The following SHANK2 variants were observed in gnomAD, a reference collection of about 807,000 sequenced individuals.
SHANK2 encodes SH3 and multiple ankyrin repeat domains protein 2.
In SHANK2, 43 loss-of-function variants were observed where a neutral mutation model predicts 133.7. That is an observed-to-expected ratio of 0.32 (90% CI 0.25 to 0.41). The LOEUF (loss-of-function observed/expected upper bound fraction) is 0.41. SHANK2 is among the 10% of genes least tolerant of loss of function. SHANK2 has a pLI of 1.00. For synonymous variants in SHANK2, 1,017 were observed against 952.8 expected, an observed-to-expected ratio of 1.07 and a Z score of -1.24; for missense variants, 1,994 against 2,235.8, an observed-to-expected ratio of 0.89 and a Z score of 2.18.
intron 17 of SHANK2, among the ~76,000 whole-genome samples, chr11:70,548,986 G>C (rs2059730568): frequency 6.6e-6 from 1 of 151,942 alleles, no homozygotes; most frequent in South Asian, 2.1e-4. Flanking sequence ...CCTCCCCCAG[G>C]GCCTTCCGGG....
At chr11:70,913,734 G>A (rs951332115) in intron 10 of SHANK2, among the ~76,000 whole-genome samples, 6 of 152,312 alleles carry the variant, frequency 3.9e-5, no homozygotes, top group Non-Finnish European at 7.3e-5. Context: ...ACTTCATGCG[G>A]AAACATACCC....
intron 2 of SHANK2, among the ~76,000 whole-genome samples, chr11:71,191,720 G>A (rs935301345): frequency 6.6e-6 from 1 of 151,788 alleles, no homozygotes; most frequent in Non-Finnish European, 1.5e-5. Flanking sequence ...CACTACGCCT[G>A]GCTACTTTTT....
intron 9 of SHANK2, among the ~76,000 whole-genome samples, chr11:71,064,832 A>T (rs1951028873): frequency 6.6e-6 from 1 of 152,114 alleles, no homozygotes; most frequent in Non-Finnish European, 1.5e-5. Context: ...CAGCTGCCAC[A>T]CTGGAGTCTC....
At chr11:71,147,546 T>A (rs1394692996) in intron 2 of SHANK2, among the ~76,000 whole-genome samples, 4 of 152,176 alleles carry the variant, frequency 2.6e-5, no homozygotes, top group African/African-American at 9.7e-5. Flanking sequence ...TGCTCCTCCC[T>A]GGAGCTTGAG....
intron 2 of SHANK2, among the ~76,000 whole-genome samples, chr11:71,168,659 C>T (rs558631951): frequency 1.3e-5 from 2 of 152,152 alleles, no homozygotes; most frequent in Non-Finnish European, 2.9e-5. Context: ...CCTGTCTCCA[C>T]CAAAAAAATA....
chr11:71,080,006 C>G (rs1054456797), intron 8 of SHANK2, among the ~76,000 whole-genome samples: 57 of 151,848 alleles, frequency 3.8e-4, no homozygotes, highest in African/African-American at 1.3e-3. Context: ...ATACTGAAAG[C>G]TACCAAAGTG....
intron 3 of SHANK2, among the ~76,000 whole-genome samples, chr11:71,127,429 C>T (rs1555102919): frequency 6.6e-6 from 1 of 152,196 alleles, no homozygotes; most frequent in Admixed American, 6.5e-5. Context: ...GCATTGCATG[C>T]TACAGAGAAA....
At chr11:70,939,409 C>T (rs1431604479) in intron 10 of SHANK2, among the ~76,000 whole-genome samples, 4 of 152,048 alleles carry the variant, frequency 2.6e-5, no homozygotes, top group East Asian at 1.9e-4. Context: ...ACCTGGGTGG[C>T]GGAGGTTGCA....
intron 17 of SHANK2, among the ~76,000 whole-genome samples, chr11:70,641,314 C>A (rs928925269): frequency 6.6e-6 from 1 of 152,122 alleles, no homozygotes; most frequent in Non-Finnish European, 1.5e-5. Context: ...AGGATGGTCT[C>A]GATCTCCTGA....
intron 11 of SHANK2, among the ~76,000 whole-genome samples, chr11:70,868,139 T>C (rs1403451686): frequency 1.3e-5 from 2 of 152,252 alleles, no homozygotes; most frequent in African/African-American, 4.8e-5. Context: ...TGAAGCCTAA[T>C]GAAGAGTTTC....
At chr11:70,533,663 G>A (rs548819881) in intron 17 of SHANK2, among the ~76,000 whole-genome samples, 1 of 152,062 alleles carries the variant, frequency 6.6e-6, no homozygotes, top group Admixed American at 6.6e-5. Flanking sequence ...CTTATATAAT[G>A]TAAAATTCAC....
chr11:71,090,387 C>CGTGT (rs1951489465), intron 8 of SHANK2, among the ~76,000 whole-genome samples: 14 of 8,232 alleles, frequency 1.7e-3, no homozygotes, highest in East Asian at 0.011. Context: ...TGTGTGTGTC[C>CGTGT]CCTGCTGCTT....
chr11:70,602,936 CGAGA>C (rs1471626308), intron 17 of SHANK2, among the ~76,000 whole-genome samples: 2 of 152,164 alleles, frequency 1.3e-5, no homozygotes, highest in African/African-American at 4.8e-5. Flanking sequence ...AATGAATAAA[CGAGA>C]CACACACACC....
Position 70,628,566 on chromosome 11 carries a change from G to A in SHANK2, c.2061+31262C>T, listed in dbSNP as rs2060935705. On this transcript the variant is annotated intron_variant, in intron 17 of 25. Coordinates refer to ENST00000601538, the MANE Select transcript of SHANK2 (RefSeq NM_012309.5). ...TCCTGCAACAGCTCCCTATTTTGCA[G>A]AGGAGGAGCCTAAGGCGGCCCACCC... is the stretch of plus-strand genomic sequence containing the variant. Among the ~76,000 whole-genome samples, 3 of 152,318 alleles carry A rather than the reference G, an allele frequency of 2.0e-5. No individual in the cohort carries two copies. The South Asian group carries it at 6.2e-4, about 32-fold the overall frequency.
chr11:70,616,747 C>A (rs2060747565), intron 17 of SHANK2, among the ~76,000 whole-genome samples: 1 of 152,190 alleles, frequency 6.6e-6, no homozygotes, highest in South Asian at 2.1e-4. Context: ...TACTTCCAGG[C>A]TGGGGTGGCC....
At chr11:70,847,207 T>G (rs1949010114) in intron 11 of SHANK2, among the ~76,000 whole-genome samples, 1 of 152,114 alleles carries the variant, frequency 6.6e-6, no homozygotes. Context: ...AGGTCTACGT[T>G]CCAGGCCTCA....
intron 2 of SHANK2, among the ~76,000 whole-genome samples, chr11:71,162,883 T>C (rs1953048765): frequency 6.6e-6 from 1 of 151,512 alleles, no homozygotes; most frequent in African/African-American, 2.4e-5. Context: ...TCATCCTGAC[T>C]AACATGGTGA....
chr11:70,490,170 C>T (rs373790850), intron 23 of SHANK2, 106 bp downstream of exon 23: 47 of 969,174 alleles, frequency 4.8e-5, no homozygotes, highest in African/African-American at 1.1e-4. Context: ...TGGGGTGGGA[C>T]GCCAAGGCAA....
Position 71,091,710 on chromosome 11 carries a change from T to C in SHANK2, c.912+712A>G, listed in dbSNP as rs183971729. 3.3e-5 allele frequency among the ~76,000 whole-genome samples: 5 copies of C among 152,038 alleles called. No homozygotes were observed. The East Asian group carries it at 9.8e-4, about 30-fold the overall frequency. ...CCAAGAGAAGAGAGGCAGATATTCC[T>C]TCCCTGAGTCCTCCCTGACATGGGC... On this transcript the variant is annotated intron_variant, in intron 8 of 25. Coordinates refer to ENST00000601538, the MANE Select transcript of SHANK2 (RefSeq NM_012309.5).
Sources: allele counts gnomAD v4.1 joint callset (sites outside exome capture counted in the v4.1 genomes callset), GRCh38; gene constraint gnomAD v4.1.1; transcripts MANE v1.5; gene names NCBI Gene and HGNC (gene_info 2026-07-23, HGNC 2026-07-21).